The following SH3BGRL2 variants were observed in gnomAD, a reference collection of about 807,000 sequenced individuals.
SH3BGRL2 encodes SH3 domain-binding glutamic acid-rich-like protein 2.
SH3BGRL2 carries 21 observed loss-of-function variants against 14.8 expected under a neutral mutation model. That is an observed-to-expected ratio of 1.42 (90% CI 1.01 to 2.05). The LOEUF (loss-of-function observed/expected upper bound fraction) is 2.05. SH3BGRL2 is among the 30% of genes most tolerant of loss of function. The probability of loss-of-function intolerance (pLI) is 0.00; values close to 1 mark genes in which losing one functional copy is unlikely to be tolerated. For missense variants in SH3BGRL2, 147 were observed against 130.8 expected (o/e 1.12, Z -0.61); for synonymous variants, 50 against 47.8 (o/e 1.05, Z -0.19).
At chr6:79,539,441 ACT>A in the SH3BGRL2 span, among the ~76,000 whole-genome samples, 1 of 152,168 alleles carries the variant, frequency 6.6e-6, no homozygotes, top group African/African-American at 2.4e-5. Context: ...CAGAAATCAG[ACT>A]CTTGTTTTTA....
chr6:79,638,797 AT>A (rs1374650373), intron 1 of SH3BGRL2, among the ~76,000 whole-genome samples: 1 of 151,644 alleles, frequency 6.6e-6, no homozygotes, highest in African/African-American at 2.4e-5. Flanking sequence ...TGGATTATTT[AT>A]TTTTTTGCTG....
In SH3BGRL2 at chr6:79,653,290, T is replaced by A. The variant is rs188461440; in HGVS notation, c.46-20324T>A. ...CTGCTGGTTTCACCTTAACATAAAA[T>A]TGGGTGTGTTCCCTTTCACATGTGA... On this transcript the variant is annotated intron_variant, in intron 1 of 3. Transcript: ENST00000369838. Among the ~76,000 whole-genome samples the A allele has an allele frequency of 1.3e-5, 2 of 152,306 alleles. 1 individual carries two copies. The highest frequency in any genetic ancestry group is 1.3e-4 in the Admixed American group (2 of 15,296).
At chr6:79,572,660 T>C in the SH3BGRL2 span, among the ~76,000 whole-genome samples, 125 of 152,016 alleles carry the variant, frequency 8.2e-4, 1 homozygote, top group African/African-American at 2.9e-3. Flanking sequence ...AGAGATGGGG[T>C]TTCACTGTGT....
the SH3BGRL2 span, among the ~76,000 whole-genome samples, chr6:79,618,146 T>A: frequency 6.6e-6 from 1 of 152,216 alleles, no homozygotes; most frequent in East Asian, 1.9e-4. Context: ...ATATTTCCTT[T>A]TAAAAAGCCA....
chr6:79,567,206 CTT>C, the SH3BGRL2 span, among the ~76,000 whole-genome samples: 1 of 151,098 alleles, frequency 6.6e-6, no homozygotes, highest in Non-Finnish European at 1.5e-5. Context: ...TAGATTCAGT[CTT>C]TGTTATAGAA....
chr6:79,569,283 A>G, the SH3BGRL2 span, among the ~76,000 whole-genome samples: 1 of 152,176 alleles, frequency 6.6e-6, no homozygotes, highest in Non-Finnish European at 1.5e-5. Flanking sequence ...TAAGATATGC[A>G]GTTGTGGAGA....
At chr6:79,696,434 A>G (rs764815221) in intron 2 of SH3BGRL2, 51 bp from the exon 3 acceptor site, 1 of 1,317,536 alleles carries the variant, frequency 7.6e-7, no homozygotes, top group Admixed American at 2.3e-5. Context: ...CCAAATATAA[A>G]GATAATTGTT....
At chr6:79,649,082 A>T (rs1300923029) in intron 1 of SH3BGRL2, among the ~76,000 whole-genome samples, 2 of 152,182 alleles carry the variant, frequency 1.3e-5, no homozygotes, top group African/African-American at 4.8e-5. Context: ...TGTTAATGAA[A>T]CAGGCAGAAA....
At chr6:79,590,635 A>C in the SH3BGRL2 span, among the ~76,000 whole-genome samples, 679 of 151,724 alleles carry the variant, frequency 4.5e-3, 10 homozygotes, top group African/African-American at 0.015. Flanking sequence ...TACGGATATA[A>C]AGAAGGGAAC....
chr6:79,672,436 G>A (rs1332153804), intron 1 of SH3BGRL2, among the ~76,000 whole-genome samples: 2 of 151,812 alleles, frequency 1.3e-5, no homozygotes, highest in Non-Finnish European at 2.9e-5. Context: ...TTTAAAGTGG[G>A]CTTAGTCTAC....
At chr6:79,638,332 C>A (rs1308002150) in intron 1 of SH3BGRL2, among the ~76,000 whole-genome samples, 1 of 152,050 alleles carries the variant, frequency 6.6e-6, no homozygotes, top group African/African-American at 2.4e-5. Flanking sequence ...AGTATATATA[C>A]CATATTATCC....
the SH3BGRL2 span, among the ~76,000 whole-genome samples, chr6:79,560,783 A>G: frequency 8.6e-5 from 13 of 151,548 alleles, no homozygotes; most frequent in Non-Finnish European, 1.8e-4. Flanking sequence ...AATTGAATGC[A>G]GGCCACATAT....
At chr6:79,544,755 C>G in the SH3BGRL2 span, among the ~76,000 whole-genome samples, 2 of 152,130 alleles carry the variant, frequency 1.3e-5, no homozygotes, top group African/African-American at 4.8e-5. Context: ...CAATTTTTCT[C>G]AATATTTACC....
chr6:79,659,155 T>A (rs1769487548), intron 1 of SH3BGRL2, among the ~76,000 whole-genome samples: 1 of 152,236 alleles, frequency 6.6e-6, no homozygotes, highest in Non-Finnish European at 1.5e-5. Flanking sequence ...AGATCCCATT[T>A]GTCAATTTTG....
intron 2 of SH3BGRL2, among the ~76,000 whole-genome samples, chr6:79,675,511 T>C (rs892123631): frequency 1.3e-5 from 2 of 152,200 alleles, no homozygotes; most frequent in Non-Finnish European, 2.9e-5. Context: ...GCTGATTACA[T>C]GTGTTCTTAT....
At chr6:79,651,558 A>G (rs543326079) in intron 1 of SH3BGRL2, among the ~76,000 whole-genome samples, 89 of 151,972 alleles carry the variant, frequency 5.9e-4, no homozygotes, top group African/African-American at 2.1e-3. Flanking sequence ...TGTTATACAC[A>G]TGTTGATGGA....
At chr6:79,563,047 C>A in the SH3BGRL2 span, among the ~76,000 whole-genome samples, 1 of 152,290 alleles carries the variant, frequency 6.6e-6, no homozygotes, top group East Asian at 1.9e-4. Context: ...GCTCCGCCTC[C>A]CGAGTTCACG....
chr6:79,666,969 G>C (rs982335086), intron 1 of SH3BGRL2, among the ~76,000 whole-genome samples: 1 of 152,208 alleles, frequency 6.6e-6, no homozygotes, highest in Non-Finnish European at 1.5e-5. Context: ...GTATGTTTGA[G>C]TGAATGAAAC....
the SH3BGRL2 span, among the ~76,000 whole-genome samples, chr6:79,547,298 G>T: frequency 5.9e-5 from 9 of 152,224 alleles, no homozygotes; most frequent in East Asian, 1.2e-3. Context: ...CCAAGGAGCT[G>T]CTGGGTAGTA....
Sources: allele counts gnomAD v4.1 joint callset (sites outside exome capture counted in the v4.1 genomes callset), GRCh38; gene constraint gnomAD v4.1.1; transcripts MANE v1.5; gene names NCBI Gene and HGNC (gene_info 2026-07-23, HGNC 2026-07-21).